Variants in ARHGEF3 observed in about 807,000 individuals in gnomAD.
ARHGEF3 encodes the protein 59.8 kDA protein.
ARHGEF3 carries 28 observed loss-of-function variants against 63.2 expected under a neutral mutation model. The observed-to-expected ratio is 0.44, with a 90% CI of 0.33 to 0.61. The LOEUF is 0.61. ARHGEF3 is among the 20% of genes least tolerant of loss of function. The pLI is 0.03. For missense variants in ARHGEF3, 533 were observed against 659.3 expected (o/e 0.81, Z 2.10); for synonymous variants, 266 against 254.2 (o/e 1.05, Z -0.44).
intron 4 of ARHGEF3, among the ~76,000 whole-genome samples, chr3:56,824,277 G>A (rs1436973923): frequency 1.3e-5 from 2 of 152,200 alleles, no homozygotes; most frequent in Admixed American, 1.3e-4. Context: ...TAAAAATGGA[G>A]ATTTTGTTGT....
chr3:56,893,893 T>C (rs903142090), intron 3 of ARHGEF3, among the ~76,000 whole-genome samples: 1 of 143,690 alleles, frequency 7.0e-6, no homozygotes, highest in African/African-American at 2.6e-5. Flanking sequence ...TTATAACCAA[T>C]CCTTACAGCT....
At chr3:56,832,425 G>T (rs2038961808) in intron 4 of ARHGEF3, among the ~76,000 whole-genome samples, 3 of 152,002 alleles carry the variant, frequency 2.0e-5, no homozygotes, top group African/African-American at 7.2e-5. Context: ...CACTCTCCCA[G>T]GGCTTTTTTA....
chr3:56,976,041 G>GT (rs1261130486), intron 2 of ARHGEF3, among the ~76,000 whole-genome samples: 3 of 152,064 alleles, frequency 2.0e-5, no homozygotes, highest in Non-Finnish European at 4.4e-5. Context: ...CTTAGAAGGT[G>GT]TTTTTTGTTG....
chr3:56,777,663 C>T (rs1559931266), intron 1 of ARHGEF3, among the ~76,000 whole-genome samples: 1 of 152,140 alleles, frequency 6.6e-6, no homozygotes, highest in Non-Finnish European at 1.5e-5. Flanking sequence ...ACAGGAACTC[C>T]CCACTCATTT....
chr3:56,780,924 G>T (rs2036533611), intron 1 of ARHGEF3, among the ~76,000 whole-genome samples: 1 of 152,194 alleles, frequency 6.6e-6, no homozygotes, highest in Admixed American at 6.5e-5. Flanking sequence ...AAAGATAAGT[G>T]TAAGTTCTTA....
intron 2 of ARHGEF3, among the ~76,000 whole-genome samples, chr3:56,976,393 C>G (rs1340685593): frequency 6.6e-6 from 1 of 152,188 alleles, no homozygotes; most frequent in Non-Finnish European, 1.5e-5. Flanking sequence ...AATTATATCT[C>G]TAGATACCAT....
intron 1 of ARHGEF3, among the ~76,000 whole-genome samples, chr3:57,054,308 T>A (rs1704807550): frequency 6.6e-6 from 1 of 152,116 alleles, no homozygotes; most frequent in Non-Finnish European, 1.5e-5. Flanking sequence ...TTTGATGATA[T>A]GCTTGCTCAA....
chr3:56,968,083 TTTATTATACATAA>T (rs1700685541), intron 2 of ARHGEF3, among the ~76,000 whole-genome samples: 2 of 57,644 alleles, frequency 3.5e-5, no homozygotes, highest in African/African-American at 1.3e-4. Context: ...ATATTATATA[TTTATTATACATAA>T]AATATATATT....
intron 1 of ARHGEF3, among the ~76,000 whole-genome samples, chr3:56,795,655 CTT>C (rs11306302): frequency 4.6e-5 from 6 of 130,526 alleles, no homozygotes; most frequent in South Asian, 2.6e-4. Context: ...GTCTCTCTCT[CTT>C]TTTTTTTTTT....
At chr3:56,977,384 G>A in intron 2 of ARHGEF3, 1 of 451,396 alleles carries the variant, frequency 2.2e-6, no homozygotes, top group Non-Finnish European at 4.5e-6. Flanking sequence ...CTGGGAACAG[G>A]GCCAGCACTT....
chr3:56,743,957 G>T (rs1367567560), intron 7 of ARHGEF3, among the ~76,000 whole-genome samples: 1 of 151,756 alleles, frequency 6.6e-6, no homozygotes, highest in African/African-American at 2.4e-5. Context: ...GATGGAGCTG[G>T]GATTTGAATC....
intron 4 of ARHGEF3, among the ~76,000 whole-genome samples, chr3:56,874,942 G>A (rs2040538020): frequency 6.6e-6 from 1 of 152,118 alleles, no homozygotes; most frequent in African/African-American, 2.4e-5. Context: ...AATTTAATGA[G>A]GTATTTGGAA....
intron 3 of ARHGEF3, among the ~76,000 whole-genome samples, chr3:56,911,129 C>T (rs2108337053): frequency 6.6e-6 from 1 of 152,258 alleles, no homozygotes; most frequent in Admixed American, 6.5e-5. Context: ...ATTCCTGACT[C>T]CTAGCCCAGT....
chr3:56,761,405 C>A (rs1385340398), intron 2 of ARHGEF3, among the ~76,000 whole-genome samples: 1 of 152,082 alleles, frequency 6.6e-6, no homozygotes, highest in Non-Finnish European at 1.5e-5. Flanking sequence ...CTATCAGCAT[C>A]CCTGCCACTG....
chr3:56,882,823 T>C (rs542692182), intron 3 of ARHGEF3, among the ~76,000 whole-genome samples: 3 of 152,288 alleles, frequency 2.0e-5, no homozygotes, highest in Admixed American at 1.3e-4. Flanking sequence ...AGCCTATAAA[T>C]GAACACTTCT....
intron 4 of ARHGEF3, among the ~76,000 whole-genome samples, chr3:56,816,369 C>A (rs1243613100): frequency 6.6e-6 from 1 of 152,162 alleles, no homozygotes; most frequent in Non-Finnish European, 1.5e-5. Context: ...AGAATTAGAA[C>A]TAAAAACAAA....
At chr3:56,918,882 G>T (rs2042054028) in intron 3 of ARHGEF3, among the ~76,000 whole-genome samples, 1 of 152,156 alleles carries the variant, frequency 6.6e-6, no homozygotes, top group Non-Finnish European at 1.5e-5. Flanking sequence ...GAACCACACA[G>T]AAGTATACAC....
chr3:57,034,359 G>T (rs1436313505), intron 2 of ARHGEF3, among the ~76,000 whole-genome samples: 1 of 151,362 alleles, frequency 6.6e-6, no homozygotes, highest in Non-Finnish European at 1.5e-5. Flanking sequence ...AGACGGAGCT[G>T]CCAAGAGCTC....
At chr3:56,962,914 G>T (rs943184204) in intron 2 of ARHGEF3, among the ~76,000 whole-genome samples, 1 of 152,174 alleles carries the variant, frequency 6.6e-6, no homozygotes, top group African/African-American at 2.4e-5. Flanking sequence ...AAATGTGACT[G>T]TTTCTCGTCA....
Sources: gnomAD v4.1 joint callset for allele counts (sites outside exome capture counted in the v4.1 genomes callset) on GRCh38, gnomAD v4.1.1 for gene constraint, MANE v1.5 for transcripts, NCBI Gene and HGNC (gene_info 2026-07-23, HGNC 2026-07-21) for gene names.